Variants in DOCK3 observed in about 807,000 individuals in gnomAD.
DOCK3 encodes dedicator of cytokinesis protein 3.
DOCK3 carries 60 observed loss-of-function variants against 265.6 expected under a neutral mutation model. The ratio of observed to expected loss-of-function variants is 0.23; its 90% CI spans 0.18 to 0.28. DOCK3 has a LOEUF of 0.28. Among genes scored for constraint, DOCK3 ranks in the 10% least tolerant of loss-of-function variants. The pLI is 1.00. For synonymous variants in DOCK3, 881 were observed against 938.0 expected, an observed-to-expected ratio of 0.94 and a Z score of 1.11; for missense variants, 1,981 against 2,594.3, an observed-to-expected ratio of 0.76 and a Z score of 5.14.
At chr3:50,923,655 C>T (rs541993077) in intron 4 of DOCK3, among the ~76,000 whole-genome samples, 1 of 152,250 alleles carries the variant, frequency 6.6e-6, no homozygotes, top group African/African-American at 2.4e-5. Flanking sequence ...ATATACATGA[C>T]ATAGCAAGGA....
At chr3:50,720,230 C>T (rs553984545) in intron 1 of DOCK3, among the ~76,000 whole-genome samples, 11 of 151,986 alleles carry the variant, frequency 7.2e-5, no homozygotes, top group Non-Finnish European at 1.0e-4. Context: ...ATGATTATTT[C>T]GTCACCCAGG....
At chr3:51,347,924 A>G (rs1005521817) in intron 38 of DOCK3, among the ~76,000 whole-genome samples, 2 of 152,134 alleles carry the variant, frequency 1.3e-5, no homozygotes, top group African/African-American at 4.8e-5. Flanking sequence ...GTTCACTCAC[A>G]ATTTGGCTCT....
At chr3:50,957,527 A>G (rs1421178900) in intron 5 of DOCK3, among the ~76,000 whole-genome samples, 3 of 152,216 alleles carry the variant, frequency 2.0e-5, no homozygotes, top group East Asian at 1.9e-4. Context: ...ACTGGATGTT[A>G]CTACCGCTAG....
chr3:50,710,830 A>G (rs1330141513), intron 1 of DOCK3, among the ~76,000 whole-genome samples: 1 of 152,252 alleles, frequency 6.6e-6, no homozygotes, highest in Non-Finnish European at 1.5e-5. Flanking sequence ...AGCCATAAAA[A>G]GGAACAAAAT....
chr3:51,261,299 G>A (rs2079836763), intron 23 of DOCK3, among the ~76,000 whole-genome samples: 1 of 152,082 alleles, frequency 6.6e-6, no homozygotes, highest in Non-Finnish European at 1.5e-5. Context: ...GCCTCACCTT[G>A]GAAGTACAAG....
chr3:51,371,085 C>A (rs775449518), intron 49 of DOCK3, among the ~76,000 whole-genome samples: 1 of 152,190 alleles, frequency 6.6e-6, no homozygotes, highest in Non-Finnish European at 1.5e-5. Flanking sequence ...GAAGTCCCCA[C>A]GTTTCTAGTC....
At chr3:50,758,086 G>C (rs142919813) in intron 1 of DOCK3, among the ~76,000 whole-genome samples, 47 of 142,640 alleles carry the variant, frequency 3.3e-4, no homozygotes, top group Non-Finnish European at 6.0e-4. Context: ...GCTGAGGCAG[G>C]AGAATGGCAT....
At chr3:51,275,898 T>C (rs1454054689) in intron 25 of DOCK3, among the ~76,000 whole-genome samples, 1 of 152,182 alleles carries the variant, frequency 6.6e-6, no homozygotes, top group African/African-American at 2.4e-5. Context: ...GATACTTATT[T>C]CATGTACTTT....
chr3:51,104,863 A>T (rs2083221032), intron 9 of DOCK3, among the ~76,000 whole-genome samples: 1 of 152,140 alleles, frequency 6.6e-6, no homozygotes, highest in Non-Finnish European at 1.5e-5. Context: ...ATCACAGCTC[A>T]TTGCAGCGTT....
intron 2 of DOCK3, among the ~76,000 whole-genome samples, chr3:50,803,966 G>A (rs2043231895): frequency 6.6e-6 from 1 of 151,500 alleles, no homozygotes; most frequent in Non-Finnish European, 1.5e-5. Flanking sequence ...GGGCAGAGGG[G>A]CTCCTCACTT....
intron 1 of DOCK3, among the ~76,000 whole-genome samples, chr3:50,701,853 T>G (rs966155299): frequency 3.9e-5 from 6 of 152,208 alleles, no homozygotes; most frequent in Non-Finnish European, 7.3e-5. Flanking sequence ...TTTGGCACCT[T>G]TGTTGAAAAT....
Position 51,008,918 on chromosome 3 carries a change from G to A in DOCK3, c.316-55530G>A, listed in dbSNP as rs576558566. Among the ~76,000 whole-genome samples the A allele has an allele frequency of 1.6e-3, 241 of 152,174 alleles. 1 individual carries two copies. The highest frequency in any genetic ancestry group is 2.7e-3 in the Admixed American group (42 of 15,280). On this transcript the variant is annotated intron_variant, in intron 5 of 52. Transcript: ENST00000266037. ...TGGTTCTGTTTATGTGATGGATTAC[G>A]TTTATTGATTTGCATATGTTGAACC...
In DOCK3 at chr3:51,229,623, A is replaced by G. The variant is rs1486413451; in HGVS notation, c.1917+14A>G. ...GAAATTGTTAAGGTATGTCTTCCAT[A>G]TAATTTAAACATACTGCATGAGGAA... On this transcript the variant is annotated intron_variant, in intron 19 of 52. Transcript: ENST00000266037. 6.3e-7 allele frequency: 1 copy of G among 1,581,514 alleles called. No individual in the cohort carries two copies.
intron 15 of DOCK3, among the ~76,000 whole-genome samples, chr3:51,226,402 G>A (rs757938724): frequency 4.6e-5 from 7 of 152,152 alleles, no homozygotes; most frequent in Non-Finnish European, 8.8e-5. Context: ...AAGACAAATC[G>A]GTGTTGTACG....
chr3:51,326,591 T>G (rs1371997513), intron 32 of DOCK3, among the ~76,000 whole-genome samples: 1 of 100,436 alleles, frequency 1.0e-5, no homozygotes, highest in Admixed American at 8.8e-5. Flanking sequence ...GTTTTGTTGT[T>G]GTTGTTGTTG....
intron 49 of DOCK3, among the ~76,000 whole-genome samples, chr3:51,363,673 TC>T (rs934502801): frequency 1.3e-5 from 2 of 152,126 alleles, no homozygotes; most frequent in Non-Finnish European, 2.9e-5. Flanking sequence ...TGTGTGATGT[TC>T]CCCACCCTGT....
At chr3:51,249,312 G>C (rs1431244732) in intron 22 of DOCK3, among the ~76,000 whole-genome samples, 1 of 134,960 alleles carries the variant, frequency 7.4e-6, no homozygotes, top group African/African-American at 2.8e-5. Context: ...CAGCCGCCCC[G>C]TCCGGGAGGG....
chr3:51,280,786 C>T (rs967366186), intron 27 of DOCK3, among the ~76,000 whole-genome samples: 2 of 152,080 alleles, frequency 1.3e-5, no homozygotes, highest in Non-Finnish European at 2.9e-5. Flanking sequence ...CCTAGCTACT[C>T]TTGAGGCTAA....
intron 27 of DOCK3, among the ~76,000 whole-genome samples, chr3:51,291,545 C>T (rs1340665509): frequency 6.6e-6 from 1 of 152,128 alleles, no homozygotes; most frequent in East Asian, 1.9e-4. Context: ...AAGACTTAAT[C>T]ATGAAGAGAT....
Sources: allele counts gnomAD v4.1 joint callset (sites outside exome capture counted in the v4.1 genomes callset), GRCh38; gene constraint gnomAD v4.1.1; transcripts MANE v1.5; gene names NCBI Gene and HGNC (gene_info 2026-07-23, HGNC 2026-07-21).